BACH1: variants seen among roughly 807,000 people sequenced by gnomAD.
BACH1 encodes the protein transcription regulator protein BACH1.
In BACH1, 35 loss-of-function variants were observed where a neutral mutation model predicts 52.9. The ratio of observed to expected loss-of-function variants is 0.66; its 90% CI spans 0.51 to 0.88. BACH1 has a LOEUF of 0.88. BACH1 is among the 40% of genes least tolerant of loss of function. The pLI is 0.00. For missense variants in BACH1, 808 were observed against 872.6 expected (o/e 0.93, Z 0.93); for synonymous variants, 321 against 319.6 (o/e 1.00, Z -0.05).
chr21:29,299,639 T>C (rs2088581195), intron 1 of BACH1: 1 of 152,242 alleles, frequency 6.6e-6, no homozygotes, highest in Non-Finnish European at 1.5e-5. Context: ...AGCTTTGTGC[T>C]CGTGTAATGT....
intron 4 of BACH1, among the ~76,000 whole-genome samples, chr21:29,334,625 T>C (rs1047874436): frequency 4.6e-5 from 7 of 152,208 alleles, no homozygotes; most frequent in African/African-American, 1.7e-4. Context: ...TTTACCAAAA[T>C]GTATTTCTTT....
chr21:29,317,984 A>G (rs751036342), intron 1 of BACH1, among the ~76,000 whole-genome samples: 7 of 151,664 alleles, frequency 4.6e-5, no homozygotes, highest in Non-Finnish European at 1.0e-4. Flanking sequence ...AAATTCTGAG[A>G]CTCTAAATCC....
rs539816784 is a variant in BACH1 at position 29,334,473 on chromosome 21, A to G, written c.1776+4780A>G. The stretch of plus-strand genomic sequence containing the variant: ...TGTTTAACTTATGAAGCTCTTGTCT[A>G]TGTAGCTTTCTTTACAAGGTCCAAG... On this transcript the variant is annotated intron_variant, in intron 4 of 4. Coordinates refer to ENST00000286800, the MANE Select transcript of BACH1 (RefSeq NM_001186.4). 1.3e-3 allele frequency among the ~76,000 whole-genome samples: 199 copies of G among 152,318 alleles called. 2 individuals carry two copies. Among genetic ancestry groups the G allele is most frequent in the Non-Finnish European group, 3.8e-4 (26 of 68,022 alleles).
At chr21:29,331,690 G>A (rs62211402) in intron 4 of BACH1, among the ~76,000 whole-genome samples, 1 of 152,020 alleles carries the variant, frequency 6.6e-6, no homozygotes, top group African/African-American at 2.4e-5. Context: ...ACTTTGGGCA[G>A]GTTAATTTCT....
chr21:29,348,877 G>A (rs2089186352), downstream of BACH1, among the ~76,000 whole-genome samples: 1 of 152,000 alleles, frequency 6.6e-6, no homozygotes, highest in South Asian at 2.1e-4. Context: ...GGCGGATCAC[G>A]AGGTCAGGAG....
At chr21:29,333,103 T>C (rs1318049706) in intron 4 of BACH1, among the ~76,000 whole-genome samples, 1 of 152,248 alleles carries the variant, frequency 6.6e-6, no homozygotes, top group Non-Finnish European at 1.5e-5. Context: ...ATTTCTGTAC[T>C]GCGTAGATGT....
At chr21:29,333,983 T>C (rs910634937) in intron 4 of BACH1, among the ~76,000 whole-genome samples, 2 of 152,344 alleles carry the variant, frequency 1.3e-5, no homozygotes, top group South Asian at 4.1e-4. Flanking sequence ...GCATTTATTT[T>C]GAATTTTATA....
chr21:29,301,282 A>G (rs1376880953), intron 1 of BACH1, among the ~76,000 whole-genome samples: 1 of 152,214 alleles, frequency 6.6e-6, no homozygotes, highest in Non-Finnish European at 1.5e-5. Context: ...TATAAGAAAG[A>G]CATTAAGCTT....
chr21:29,329,351 A>G, intron 3 of BACH1, 136 bp from the exon 4 acceptor site: 1 of 628,018 alleles, frequency 1.6e-6, no homozygotes, highest in Non-Finnish European at 2.5e-6. Flanking sequence ...TTGTATAGAA[A>G]TTGGGATAGA....
At chr21:29,306,386 G>A (rs1232987713) in intron 1 of BACH1, among the ~76,000 whole-genome samples, 1 of 144,120 alleles carries the variant, frequency 6.9e-6, no homozygotes, top group Non-Finnish European at 1.5e-5. Flanking sequence ...TTCCTAGGTT[G>A]TTGCTATCAG....
In BACH1 at chr21:29,317,362, C is replaced by G. The variant is rs571943429; in HGVS notation, c.-60-3859C>G. Among the ~76,000 whole-genome samples the G allele has an allele frequency of 1.9e-4, 29 of 152,266 alleles. No individual in the cohort carries two copies. The East Asian group carries it at 5.6e-3, about 29-fold the overall frequency. On this transcript the variant is annotated intron_variant, in intron 1 of 4. Transcript: ENST00000286800. The stretch of plus-strand genomic sequence containing the variant: ...TGTTGGACCAGGTCCAACAGGTATG[C>G]TTGGGTTATGGCAGGGAACAAATCA...
At chr21:29,354,867 AAG>A (rs1255580037) in intron 2 of BACH1, among the ~76,000 whole-genome samples, 1 of 152,160 alleles carries the variant, frequency 6.6e-6, no homozygotes, top group Non-Finnish European at 1.5e-5. Context: ...CTTGCCTGAA[AAG>A]TGTGTGTGTG....
Position 29,344,244 on chromosome 21 carries a change from A to G in BACH1, c.*1411A>G, listed in dbSNP as rs553343829. 1 of 152,762 alleles carries G rather than the reference A, an allele frequency of 6.5e-6. No homozygotes were observed. The highest frequency in any genetic ancestry group is 2.1e-4 in the South Asian group (1 of 4,826). 9.5% of individuals were successfully genotyped at this position (152,762 alleles called of 1,614,324 possible). On this transcript the variant is annotated 3_prime_UTR_variant, in exon 5 of 5. Coordinates refer to ENST00000286800, the MANE Select transcript of BACH1 (RefSeq NM_001186.4). ...TTAATGGTACAGAGGAGTAGTTTAT[A>G]GTGTTGATTTCACCAAAATCAGAGG...
intron 4 of BACH1, among the ~76,000 whole-genome samples, chr21:29,336,720 G>A (rs907328583): frequency 6.6e-6 from 1 of 151,548 alleles, no homozygotes; most frequent in Non-Finnish European, 1.5e-5. Flanking sequence ...GCTGGAGTGT[G>A]GAGTGCAGTG....
rs373276371 is a variant in BACH1, at chr21:29,351,326, T to G, written c.472+21633T>G. ...GCTATATGAAAATATCCACTATAAC[T>G]TAAGCTTTCTAAAGTAATACCTATT... On this transcript the variant is annotated intron_variant, in intron 2 of 4. Transcript: ENST00000422809. Among the ~76,000 whole-genome samples, 71 of 152,304 alleles carry G rather than the reference T, an allele frequency of 4.7e-4. 1 individual carries two copies. Among genetic ancestry groups the G allele is most frequent in the African/African-American group, 1.4e-3 (58 of 41,550 alleles).
chr21:29,306,806 T>C lies in BACH1; in HGVS notation c.-61+7853T>C, dbSNP rs1004995810. Among the ~76,000 whole-genome samples the C allele has an allele frequency of 8.5e-5, 13 of 152,250 alleles. No homozygotes were observed. In the South Asian group the frequency reaches 1.0e-3, roughly 12 times the overall value. ...TTTCCTCTTATATGCCATTTCCTTC[T>C]ATGATCAAGTAGCACTTTTACAATC... is the stretch of plus-strand genomic sequence containing the variant. On this transcript the variant is annotated intron_variant, in intron 1 of 4. Coordinates refer to ENST00000286800, the MANE Select transcript of BACH1 (RefSeq NM_001186.4).
At chr21:29,348,239 C>T (rs1410092272), downstream of BACH1, among the ~76,000 whole-genome samples, 1 of 152,102 alleles carries the variant, frequency 6.6e-6, no homozygotes, top group South Asian at 2.1e-4. Flanking sequence ...AGTGGTTGTT[C>T]CTACCGTGCT....
downstream of BACH1, among the ~76,000 whole-genome samples, chr21:29,347,971 C>T (rs1411888909): frequency 1.3e-5 from 2 of 151,928 alleles, no homozygotes; most frequent in Non-Finnish European, 1.5e-5. Context: ...TTTTATTATT[C>T]AACTTTTAGA....
At chr21:29,313,765 A>T (rs1371370595) in intron 1 of BACH1, among the ~76,000 whole-genome samples, 2 of 152,210 alleles carry the variant, frequency 1.3e-5, no homozygotes, top group Non-Finnish European at 2.9e-5. Context: ...ACATTAATCC[A>T]TAGTGACATA....
Sources: allele counts gnomAD v4.1 joint callset (sites outside exome capture counted in the v4.1 genomes callset), GRCh38; gene constraint gnomAD v4.1.1; transcripts MANE v1.5; gene names NCBI Gene and HGNC (gene_info 2026-07-23, HGNC 2026-07-21).